The following IGF1R variants were observed in gnomAD, a reference collection of about 807,000 sequenced individuals.
IGF1R encodes insulin like growth factor 1 receptor, also known as insulin-like growth factor 1 receptor.
In IGF1R, 44 loss-of-function variants were observed where a neutral mutation model predicts 144.6. The ratio of observed to expected loss-of-function variants is 0.30; its 90% CI spans 0.24 to 0.39. The LOEUF is 0.39. Among genes scored for constraint, IGF1R ranks in the 10% least tolerant of loss-of-function variants. The pLI is 1.00. For synonymous variants in IGF1R, 795 were observed against 722.8 expected, an observed-to-expected ratio of 1.10 and a Z score of -1.60; for missense variants, 1,355 against 1,833.7, an observed-to-expected ratio of 0.74 and a Z score of 4.77.
chr15:98,878,302 A>G (rs1052602344), intron 2 of IGF1R, among the ~76,000 whole-genome samples: 16 of 152,220 alleles, frequency 1.1e-4, no homozygotes, highest in African/African-American at 3.9e-4. Context: ...ACAATACCTC[A>G]CATAACTCTG....
chr15:98,752,784 CTT>C (rs1035278321), intron 2 of IGF1R, among the ~76,000 whole-genome samples: 15 of 152,080 alleles, frequency 9.9e-5, no homozygotes, highest in Admixed American at 7.9e-4. Flanking sequence ...ATTAAATTGA[CTT>C]TGTTATTATA....
chr15:98,771,901 C>T (rs1380577021), intron 2 of IGF1R, among the ~76,000 whole-genome samples: 2 of 150,640 alleles, frequency 1.3e-5, no homozygotes, highest in African/African-American at 2.5e-5. Context: ...TTCTTCTCCA[C>T]TGACATTTTT....
At chr15:98,865,463 G>A (rs985281170) in intron 2 of IGF1R, among the ~76,000 whole-genome samples, 1 of 152,140 alleles carries the variant, frequency 6.6e-6, no homozygotes, top group Non-Finnish European at 1.5e-5. Flanking sequence ...GGGGCTCGGC[G>A]TGCATAGCGG....
At chr15:98,859,054 C>G (rs955747334) in intron 2 of IGF1R, among the ~76,000 whole-genome samples, 2 of 148,824 alleles carry the variant, frequency 1.3e-5, no homozygotes, top group African/African-American at 5.0e-5. Flanking sequence ...CTCATCTAAG[C>G]AAGAAGTAAA....
intron 2 of IGF1R, among the ~76,000 whole-genome samples, chr15:98,737,631 A>AT (rs2054641566): frequency 6.6e-6 from 1 of 152,102 alleles, no homozygotes. Flanking sequence ...CCTTGTTCTC[A>AT]TTTTTCTTCT....
rs1178286858 is a variant in IGF1R at position 98,732,568 on chromosome 15, G to T, written c.640+24461G>T. Among the ~76,000 whole-genome samples, 5 of 152,178 alleles carry T rather than the reference G, an allele frequency of 3.3e-5. 1 individual carries two copies. Among genetic ancestry groups the T allele is most frequent in the Non-Finnish European group, 4.4e-5 (3 of 68,036 alleles). On this transcript the variant is annotated intron_variant, in intron 2 of 20. Transcript: ENST00000650285. ...TGCCATTGCTATGGAGTGAGCATGG[G>T]GAAGGGGGTCGGAGGCCTTTTGGAG...
At chr15:98,946,371 C>T (rs979715426) in intron 19 of IGF1R, among the ~76,000 whole-genome samples, 3 of 152,088 alleles carry the variant, frequency 2.0e-5, no homozygotes, top group Admixed American at 6.5e-5. Flanking sequence ...ATTCTTTAAG[C>T]CCTGTTAAGG....
intron 13 of IGF1R, among the ~76,000 whole-genome samples, chr15:98,925,168 G>A (rs764102726): frequency 1.1e-4 from 17 of 152,066 alleles, no homozygotes; most frequent in Non-Finnish European, 1.9e-4. Context: ...GAATCTCCAC[G>A]GTAGCATCGC....
In IGF1R at chr15:98,685,083, CAGA is replaced by C. The variant is rs1372695640; in HGVS notation, c.95-22478_95-22476del. Among the ~76,000 whole-genome samples, 4 of 152,010 alleles carry C rather than the reference CAGA, an allele frequency of 2.6e-5. No homozygotes were observed. In the East Asian group the frequency reaches 7.7e-4, roughly 29 times the overall value. On this transcript the variant is annotated intron_variant, in intron 1 of 20. Transcript: ENST00000650285. ...TCAGCCTCCTGAGTAGCTGGGGTCACAGATGTGTGCCATCACGCCTGGCTAATT... is the reference window on the plus strand; with the variant it reads ...TCAGCCTCCTGAGTAGCTGGGGTCACTGTGTGCCATCACGCCTGGCTAATT...
intron 15 of IGF1R, 55 bp from the exon 16 acceptor site, chr15:98,934,769 C>A: frequency 6.8e-7 from 1 of 1,476,734 alleles, no homozygotes; most frequent in Non-Finnish European, 9.5e-7. Context: ...CCCCAAAGCA[C>A]GTTCTGTCTA....
At chr15:98,684,322 C>G (rs529426787) in intron 1 of IGF1R, among the ~76,000 whole-genome samples, 57 of 146,436 alleles carry the variant, frequency 3.9e-4, no homozygotes, top group Non-Finnish European at 8.0e-4. Context: ...CTTTGTTTAT[C>G]ATAATATGCC....
At chr15:98,664,470 G>A (rs919939903) in intron 1 of IGF1R, among the ~76,000 whole-genome samples, 3 of 152,178 alleles carry the variant, frequency 2.0e-5, no homozygotes, top group African/African-American at 7.2e-5. Flanking sequence ...TTCGAGACCA[G>A]CCTGGCTAAC....
At chr15:98,909,425 AT>A (rs1406081318) in intron 6 of IGF1R, among the ~76,000 whole-genome samples, 2 of 151,326 alleles carry the variant, frequency 1.3e-5, no homozygotes, top group African/African-American at 4.9e-5. Context: ...TGCCCAGCTA[AT>A]TTTTGGATTT....
chr15:98,762,951 CAGG>C (rs1207615186), intron 2 of IGF1R, among the ~76,000 whole-genome samples: 2 of 151,134 alleles, frequency 1.3e-5, no homozygotes, highest in African/African-American at 4.9e-5. Context: ...GAGGCTGACG[CAGG>C]AGAATTGCTT....
chr15:98,833,360 C>T (rs2057036020), intron 2 of IGF1R, among the ~76,000 whole-genome samples: 1 of 152,206 alleles, frequency 6.6e-6, no homozygotes, highest in Non-Finnish European at 1.5e-5. Flanking sequence ...TGGTTTGGTC[C>T]AGCCTTAGAG....
At chr15:98,867,592 AATT>A (rs1343087780) in intron 2 of IGF1R, among the ~76,000 whole-genome samples, 1 of 151,980 alleles carries the variant, frequency 6.6e-6, no homozygotes, top group Admixed American at 6.6e-5. Flanking sequence ...CCTTACCTCT[AATT>A]ATTATCTGTG....
chr15:98,950,991 T>C (rs1168626279), intron 20 of IGF1R, among the ~76,000 whole-genome samples: 1 of 152,222 alleles, frequency 6.6e-6, no homozygotes, highest in African/African-American at 2.4e-5. Context: ...TGGGGAAGAC[T>C]GGATACACAC....
intron 2 of IGF1R, among the ~76,000 whole-genome samples, chr15:98,816,924 C>G (rs73479748): frequency 0.15 from 22,272 of 152,152 alleles, 2,285 homozygotes; most frequent in African/African-American, 0.28. Context: ...ATCCTCAAAG[C>G]CAGGTTCATT....
At chr15:98,793,652 A>T (rs1343966902) in intron 2 of IGF1R, among the ~76,000 whole-genome samples, 1 of 152,258 alleles carries the variant, frequency 6.6e-6, no homozygotes, top group African/African-American at 2.4e-5. Context: ...CCCTTGCTAA[A>T]TATTTATAGC....
Sources: allele counts gnomAD v4.1 joint callset (sites outside exome capture counted in the v4.1 genomes callset), GRCh38; gene constraint gnomAD v4.1.1; transcripts MANE v1.5; gene names NCBI Gene and HGNC (gene_info 2026-07-23, HGNC 2026-07-21).